Variants in KIRREL3 observed in about 807,000 individuals in gnomAD.
KIRREL3 encodes the protein kirre like nephrin family adhesion molecule 3, also known as kin of IRRE-like protein 3.
Under a neutral mutation model 89.7 loss-of-function variants are expected in KIRREL3, and 36 were observed. The observed-to-expected ratio is 0.40, with a 90% CI of 0.31 to 0.53. The LOEUF is 0.53. Ranked by LOEUF, KIRREL3 falls within the 20% of genes least tolerant of loss-of-function variation. The pLI, the probability that KIRREL3 is intolerant of heterozygous loss-of-function variation, is 0.49. For missense variants in KIRREL3, 864 were observed against 1,056.6 expected (o/e 0.82, Z 2.53); for synonymous variants, 445 against 441.4 (o/e 1.01, Z -0.10).
At chr11:126,524,778 G>C (rs1445637684) in intron 3 of KIRREL3, among the ~76,000 whole-genome samples, 1 of 152,196 alleles carries the variant, frequency 6.6e-6, no homozygotes, top group African/African-American at 2.4e-5. Context: ...CTGTAGGAGA[G>C]CTTTCGCGGT....
At chr11:126,732,439 T>C (rs1187405632) in intron 1 of KIRREL3, among the ~76,000 whole-genome samples, 1 of 152,178 alleles carries the variant, frequency 6.6e-6, no homozygotes. Context: ...TGCTTCATTG[T>C]TAGCTGGACT....
rs1310041323 is a variant in KIRREL3 at position 126,704,768 on chromosome 11, AG to A, written c.56-141857del. On this transcript the variant is annotated intron_variant, in intron 1 of 16. Coordinates refer to ENST00000525144, the MANE Select transcript of KIRREL3 (RefSeq NM_032531.4). The surrounding 1 kb of genome is among the most constrained non-coding windows in gnomAD (Gnocchi z 4.2). The stretch of plus-strand genomic sequence containing the variant: ...GGGCTAGCTACCTATACCAGTCCAA[AG>A]GCTTGATACAGGAACCACATCAGAA... Among the ~76,000 whole-genome samples the A allele has an allele frequency of 1.3e-5, 2 of 152,212 alleles. No homozygotes were observed. Among genetic ancestry groups the A allele is most frequent in the African/African-American group, 4.8e-5 (2 of 41,462 alleles).
In KIRREL3 at chr11:126,976,973, G is replaced by A. The variant is rs180887009; in HGVS notation, c.55+23482C>T. Among the ~76,000 whole-genome samples, 36 of 152,244 alleles carry A rather than the reference G, an allele frequency of 2.4e-4. No individual in the cohort carries two copies. Among genetic ancestry groups the A allele is most frequent in the Admixed American group, 1.6e-3 (24 of 15,294 alleles). On this transcript the variant is annotated intron_variant, in intron 1 of 16. Coordinates refer to ENST00000525144, the MANE Select transcript of KIRREL3 (RefSeq NM_032531.4). The surrounding 1 kb of genome is among the most constrained non-coding windows in gnomAD (Gnocchi z 4.2). ...ATCGTCCCTCAACTATGAACAGCAC[G>A]ATAGGAAAGAGAGTACCAAGAGAGT...
chr11:126,692,544 CAAAA>C (rs71048799), intron 1 of KIRREL3, among the ~76,000 whole-genome samples: 7 of 42,688 alleles, frequency 1.6e-4, no homozygotes, highest in African/African-American at 5.6e-4. Flanking sequence ...GACTCTGTCT[CAAAA>C]AAAAAAAAAA....
chr11:126,841,724 G>A (rs1379801545), intron 1 of KIRREL3, among the ~76,000 whole-genome samples: 1 of 152,176 alleles, frequency 6.6e-6, no homozygotes, highest in African/African-American at 2.4e-5. Context: ...TAGCTCCTGT[G>A]CACCCTACAG....
chr11:126,925,814 G>A (rs755874109), intron 1 of KIRREL3, among the ~76,000 whole-genome samples: 1 of 152,142 alleles, frequency 6.6e-6, no homozygotes, highest in African/African-American at 2.4e-5. Flanking sequence ...CCCAGGTACC[G>A]GCCTTCTCCA....
rs1470910895 is a variant in KIRREL3, at chr11:126,431,808, A to T, written c.1589-282T>A. ...AGGAGAGCGAGGCAGGCAGACACGG[A>T]GAAGGGAGGGCCAGGGGACAGGAAG... On this transcript the variant is annotated intron_variant, in intron 13 of 16. Coordinates refer to ENST00000525144, the MANE Select transcript of KIRREL3 (RefSeq NM_032531.4). The surrounding 1 kb of genome is among the most constrained non-coding windows in gnomAD (Gnocchi z 7.1). Among the ~76,000 whole-genome samples the T allele has an allele frequency of 6.6e-6, 1 of 151,882 alleles. No homozygotes were observed. The highest frequency in any genetic ancestry group is 1.5e-5 in the Non-Finnish European group (1 of 67,946).
Position 126,837,618 on chromosome 11 carries a change from C to T in KIRREL3, c.55+162837G>A, listed in dbSNP as rs1455408270. Among the ~76,000 whole-genome samples, 1 of 152,158 alleles carries T rather than the reference C, an allele frequency of 6.6e-6. No individual in the cohort carries two copies. The highest frequency in any genetic ancestry group is 1.5e-5 in the Non-Finnish European group (1 of 68,032). ...TTACTCTGCTGTGAAAGTGTCACAG[C>T]AACACAGGGAATAATGACTCCATCT... On this transcript the variant is annotated intron_variant, in intron 1 of 16. Coordinates refer to ENST00000525144, the MANE Select transcript of KIRREL3 (RefSeq NM_032531.4). The surrounding 1 kb of genome is among the most constrained non-coding windows in gnomAD (Gnocchi z 4.7).
At chr11:126,925,991 C>A (rs141466122) in intron 1 of KIRREL3, among the ~76,000 whole-genome samples, 1 of 152,308 alleles carries the variant, frequency 6.6e-6, no homozygotes, top group East Asian at 1.9e-4. Flanking sequence ...ACTGCAGTGA[C>A]TCAGTCATGG....
intron 1 of KIRREL3, among the ~76,000 whole-genome samples, chr11:126,859,120 G>C (rs1317160912): frequency 6.6e-6 from 1 of 152,200 alleles, no homozygotes; most frequent in African/African-American, 2.4e-5. Flanking sequence ...CTTGCAGGTA[G>C]AGCCTTATAA....
intron 1 of KIRREL3, among the ~76,000 whole-genome samples, chr11:126,713,946 G>T (rs1037683097): frequency 6.6e-6 from 1 of 152,202 alleles, no homozygotes; most frequent in Non-Finnish European, 1.5e-5. Flanking sequence ...GCTAAGGACT[G>T]CAGACCAAAT....
At position 127,000,536 on chromosome 11, in the gene KIRREL3, CG is replaced by C; in HGVS notation, c.-28del. The C allele has an allele frequency of 6.3e-7, 1 of 1,591,362 alleles. No individual in the cohort carries two copies. The highest frequency in any genetic ancestry group is 8.6e-7 in the Non-Finnish European group (1 of 1,169,128). ...CCTTAGCGCAGCGAAGGAAAGCCGGCGGGGTAACTTGGCTGTGGTTAGTTTC... is the reference window on the plus strand; with the variant it reads ...CCTTAGCGCAGCGAAGGAAAGCCGGCGGGTAACTTGGCTGTGGTTAGTTTC... On this transcript the variant is annotated 5_prime_UTR_variant, in exon 1 of 17. Transcript: ENST00000525144. This position sits in a 1 kb window ranked among gnomAD's most constrained non-coding sequence, Gnocchi z 7.1.
rs1172105531 is a variant in KIRREL3, at chr11:126,978,905, C to T, written c.55+21550G>A. ...GTGTCCCTGAATACATTGAGGTACA[C>T]CTGCCTTTCTGAAAGTTTGGCAGGT... is the stretch of plus-strand genomic sequence containing the variant. On this transcript the variant is annotated intron_variant, in intron 1 of 16. Coordinates refer to ENST00000525144, the MANE Select transcript of KIRREL3 (RefSeq NM_032531.4). This position sits in a 1 kb window ranked among gnomAD's most constrained non-coding sequence, Gnocchi z 4.2. 1.3e-5 allele frequency among the ~76,000 whole-genome samples: 2 copies of T among 152,206 alleles called. No homozygotes were observed. The highest frequency in any genetic ancestry group is 2.9e-5 in the Non-Finnish European group (2 of 68,040).
intron 1 of KIRREL3, among the ~76,000 whole-genome samples, chr11:126,721,847 G>A (rs559841006): frequency 1.4e-4 from 22 of 152,320 alleles, no homozygotes; most frequent in African/African-American, 4.6e-4. Context: ...TCACCAGCAC[G>A]GTCCCTGACA....
rs150912161 is a variant in KIRREL3, at chr11:126,768,133, T to TATCCATCC, written c.56-205229_56-205222dup. On this transcript the variant is annotated intron_variant, in intron 1 of 16. Transcript: ENST00000525144. This position sits in a 1 kb window ranked among gnomAD's most constrained non-coding sequence, Gnocchi z 4.5. The stretch of plus-strand genomic sequence containing the variant: ...CTGTCCATCCATCTGTCTATCCATC[T>TATCCATCC]ATCCATCCATCCATCCATCCATCCA... Among the ~76,000 whole-genome samples, 7,533 of 126,746 alleles carry TATCCATCC rather than the reference T, an allele frequency of 0.059. 386 individuals are homozygous for TATCCATCC. Among genetic ancestry groups the TATCCATCC allele is most frequent in the Non-Finnish European group, 0.074 (4,583 of 62,266 alleles). The allele number at this position is 126,746 out of a possible 152,430, so 83.2% of individuals were successfully genotyped here.
At chr11:126,449,692 C>T (rs1219929902) in intron 7 of KIRREL3, among the ~76,000 whole-genome samples, 2 of 152,212 alleles carry the variant, frequency 1.3e-5, no homozygotes, top group Non-Finnish European at 2.9e-5. Context: ...GTAGGGGCTC[C>T]ATCTCCCGTC....
rs553899404 is a variant in KIRREL3, at chr11:126,925,104, G to C, written c.55+75351C>G. On this transcript the variant is annotated intron_variant, in intron 1 of 16. Transcript: ENST00000525144. Reference sequence around the variant, plus strand: ...TCCTCACCATAAAAAGGTCGGGGGGGGGGGGGGGCTGTTGGTCACAGGATT... The same window carrying C: ...TCCTCACCATAAAAAGGTCGGGGGGCGGGGGGGGCTGTTGGTCACAGGATT... Among the ~76,000 whole-genome samples, 939 of 148,600 alleles carry C rather than the reference G, an allele frequency of 6.3e-3. 34 individuals are homozygous for C. Among genetic ancestry groups the C allele is most frequent in the Non-Finnish European group, 8.2e-3 (544 of 66,546 alleles).
In KIRREL3 at chr11:126,645,154, A is replaced by G. The variant is rs1246497121; in HGVS notation, c.56-82242T>C. 6.6e-6 allele frequency among the ~76,000 whole-genome samples: 1 copy of G among 152,204 alleles called. No individual in the cohort carries two copies. The highest frequency in any genetic ancestry group is 1.5e-5 in the Non-Finnish European group (1 of 68,034). Reference sequence around the variant, plus strand: ...GCAGACTGGGCGTTATGAAGGAAAAAGCTGGAGGAAGATAGAGTGGGACCA... The same window carrying G: ...GCAGACTGGGCGTTATGAAGGAAAAGGCTGGAGGAAGATAGAGTGGGACCA... On this transcript the variant is annotated intron_variant, in intron 1 of 16. Coordinates refer to ENST00000525144, the MANE Select transcript of KIRREL3 (RefSeq NM_032531.4). This position sits in a 1 kb window ranked among gnomAD's most constrained non-coding sequence, Gnocchi z 4.9.
chr11:126,947,148 G>A (rs994112523), intron 1 of KIRREL3, among the ~76,000 whole-genome samples: 23 of 152,018 alleles, frequency 1.5e-4, no homozygotes, highest in South Asian at 6.2e-4. Context: ...AGCTCCTCTC[G>A]TTTATGAGCC....
Sources: gnomAD v4.1 joint callset for allele counts (sites outside exome capture counted in the v4.1 genomes callset) on GRCh38, gnomAD v4.1.1 for gene constraint, Gnocchi (gnomAD v3.1) non-coding constraint, MANE v1.5 for transcripts, NCBI Gene and HGNC (gene_info 2026-07-23, HGNC 2026-07-21) for gene names.